Variants in IL17RD observed in about 807,000 individuals in gnomAD.
IL17RD encodes the protein interleukin 17 receptor D.
In IL17RD, 52 loss-of-function variants were observed where a neutral mutation model predicts 80.5. The observed-to-expected ratio is 0.65, with a 90% CI of 0.52 to 0.81. The LOEUF (loss-of-function observed/expected upper bound fraction) is 0.81. Among genes scored for constraint, IL17RD ranks in the 40% least tolerant of loss-of-function variants. The probability of loss-of-function intolerance (pLI) is 0.00; values close to 1 mark genes in which losing one functional copy is unlikely to be tolerated. For missense variants in IL17RD, 1,024 were observed against 955.1 expected (o/e 1.07, Z -0.95); for synonymous variants, 416 against 391.8 (o/e 1.06, Z -0.73).
intron 2 of IL17RD, among the ~76,000 whole-genome samples, chr3:57,119,839 AC>A (rs1347081563): frequency 1.3e-5 from 2 of 152,216 alleles, no homozygotes; most frequent in African/African-American, 4.8e-5. Flanking sequence ...CCTCATGGCC[AC>A]CATATTTGGA....
intron 2 of IL17RD, among the ~76,000 whole-genome samples, chr3:57,118,133 T>C (rs1179636079): frequency 6.6e-6 from 1 of 152,210 alleles, no homozygotes; most frequent in Non-Finnish European, 1.5e-5. Flanking sequence ...CAAGAGCACA[T>C]ATTAGAAATT....
At chr3:57,135,004 AG>A (rs1238876251) in intron 1 of IL17RD, among the ~76,000 whole-genome samples, 15 of 152,164 alleles carry the variant, frequency 9.9e-5, no homozygotes, top group African/African-American at 3.4e-4. Flanking sequence ...GCTACTTGGG[AG>A]GTTGATATGG....
intron 1 of IL17RD, among the ~76,000 whole-genome samples, chr3:57,144,090 G>A (rs552646508): frequency 6.6e-6 from 1 of 152,294 alleles, no homozygotes; most frequent in South Asian, 2.1e-4. Context: ...AGGGCAAAGA[G>A]CCCCTAGTAA....
At chr3:57,160,159 G>A (rs1287189374) in intron 1 of IL17RD, among the ~76,000 whole-genome samples, 1 of 152,042 alleles carries the variant, frequency 6.6e-6, no homozygotes, top group Non-Finnish European at 1.5e-5. Flanking sequence ...GCTCCAGAGC[G>A]AAACTCCGTC....
intron 2 of IL17RD, among the ~76,000 whole-genome samples, chr3:57,119,321 C>T (rs1579281586): frequency 6.7e-6 from 1 of 149,506 alleles, no homozygotes; most frequent in East Asian, 2.0e-4. Context: ...CACTGCACTC[C>T]AGCCTGGGCG....
At chr3:57,110,423 C>T (rs1707071735) in intron 3 of IL17RD, 112 bp from the exon 4 acceptor site, 2 of 1,180,614 alleles carry the variant, frequency 1.7e-6, no homozygotes, top group Non-Finnish European at 2.4e-6. Context: ...TAAAGGAATT[C>T]TAACTGTGGC....
chr3:57,128,240 A>C (rs1350016675), intron 1 of IL17RD, among the ~76,000 whole-genome samples: 1 of 152,194 alleles, frequency 6.6e-6, no homozygotes, highest in Non-Finnish European at 1.5e-5. Context: ...ACATTGGCCC[A>C]AAAAGACCCG....
chr3:57,166,807 G>A (rs2060350586), upstream of IL17RD, among the ~76,000 whole-genome samples: 1 of 152,076 alleles, frequency 6.6e-6, no homozygotes, highest in Admixed American at 6.5e-5. Flanking sequence ...ATTCAACAGG[G>A]CAGCCTCCTC....
At chr3:57,154,283 T>TATATATATACACACACACACAC (rs904157398) in intron 1 of IL17RD, among the ~76,000 whole-genome samples, 1 of 112,908 alleles carries the variant, frequency 8.9e-6, no homozygotes, top group African/African-American at 3.2e-5. Context: ...TATATATATA[T>TATATATATACACACACACACAC]ACACACACAC....
intron 7 of IL17RD, among the ~76,000 whole-genome samples, chr3:57,105,552 A>AAAATATATATATATAT: frequency 1.1e-4 from 7 of 63,582 alleles, no homozygotes; most frequent in African/African-American, 2.8e-4. Flanking sequence ...AAAAAAAAAA[A>AAAATATATATATATAT]ATATATATAT....
intron 1 of IL17RD, among the ~76,000 whole-genome samples, chr3:57,136,312 T>C (rs1031681905): frequency 6.6e-6 from 1 of 151,970 alleles, no homozygotes; most frequent in African/African-American, 2.4e-5. Flanking sequence ...AGCCCAGGTG[T>C]GGAAGAAGAA....
rs2060324341 is a variant in IL17RD at position 57,163,795 on chromosome 3, G to GGGC, written c.126+1365_126+1366insGCC. On this transcript the variant is annotated intron_variant, in intron 1 of 12. Coordinates refer to ENST00000296318, the MANE Select transcript of IL17RD (RefSeq NM_017563.5). The stretch of plus-strand genomic sequence containing the variant: ...CAGAGCCTAATGGGGCGGGGGGGCG[G>GGGC]GGGGGGAAGGGGGTGGCGGGGGCGG... Among the ~76,000 whole-genome samples the GGGC allele has an allele frequency of 2.5e-5, 3 of 118,944 alleles. No individual in the cohort carries two copies. The East Asian group carries it at 9.3e-4, about 37-fold the overall frequency. 78.0% of individuals were successfully genotyped at this position (118,944 alleles called of 152,430 possible). A position where few individuals can be genotyped will look rare whatever the true frequency, so the allele number is the denominator to read the frequency against.
chr3:57,132,592 G>C (rs1707634945), intron 1 of IL17RD, among the ~76,000 whole-genome samples: 1 of 152,178 alleles, frequency 6.6e-6, no homozygotes. Context: ...GGCAGTATTT[G>C]TTACAACTCA....
At chr3:57,099,612 C>G (rs1357582082) in intron 11 of IL17RD, among the ~76,000 whole-genome samples, 1 of 152,134 alleles carries the variant, frequency 6.6e-6, no homozygotes, top group Non-Finnish European at 1.5e-5. Context: ...TGAAAATAAC[C>G]CTGAATTGTC....
intron 1 of IL17RD, among the ~76,000 whole-genome samples, chr3:57,152,941 C>T (rs1227018489): frequency 1.3e-5 from 2 of 152,234 alleles, no homozygotes; most frequent in Admixed American, 6.5e-5. Flanking sequence ...AAACCTGCCC[C>T]GGCCAAACAC....
intron 1 of IL17RD, among the ~76,000 whole-genome samples, chr3:57,147,503 C>G (rs994704637): frequency 1.3e-5 from 2 of 152,186 alleles, no homozygotes; most frequent in African/African-American, 4.8e-5. Flanking sequence ...AGCCACAAAT[C>G]CTTTGACCCA....
intron 5 of IL17RD, among the ~76,000 whole-genome samples, chr3:57,108,672 C>T (rs1403632883): frequency 4.6e-5 from 7 of 151,852 alleles, no homozygotes; most frequent in South Asian, 2.1e-4. Flanking sequence ...CACACCATGA[C>T]GCCCGGCTAA....
At chr3:57,165,950 G>A (rs145653079), upstream of IL17RD, among the ~76,000 whole-genome samples, 14 of 152,186 alleles carry the variant, frequency 9.2e-5, no homozygotes, top group African/African-American at 3.4e-4. Flanking sequence ...CATAACAAGT[G>A]CTCCATAAAG....
In IL17RD at chr3:57,105,864, C is replaced by T. The variant is rs961950950; in HGVS notation, c.740G>A (p.Cys247Tyr). The T allele has an allele frequency of 1.2e-6, 2 of 1,613,672 alleles. No individual in the cohort carries two copies. The highest frequency in any genetic ancestry group is 1.7e-6 in the Non-Finnish European group (2 of 1,179,812). ...ATACACCCAGCAGCTCACCTGCTTA[C>T]AGGTCTTTCGCTTGAAAGGTCCTTC... ...KHEGPFKRKT[C>Y]KQEQTTETTS... The change falls in exon 7 of 13, where the codon TGT becomes TAT. Residue 247 changes from cysteine to tyrosine, a missense_variant. Cys to Tyr is a radical substitution (Grantham distance 194, BLOSUM62 -2). Transcript: ENST00000296318.
Sources: gnomAD v4.1 joint callset for allele counts (sites outside exome capture counted in the v4.1 genomes callset) on GRCh38, gnomAD v4.1.1 for gene constraint, MANE v1.5 for transcripts, NCBI Gene and HGNC (gene_info 2026-07-23, HGNC 2026-07-21) for gene names.